The following NAALADL1 variants were observed in gnomAD, a reference collection of about 807,000 sequenced individuals.
NAALADL1 encodes aminopeptidase NAALADL1.
Under a neutral mutation model 82.8 loss-of-function variants are expected in NAALADL1, and 77 were observed. That is an observed-to-expected ratio of 0.93 (90% CI 0.77 to 1.12). The LOEUF is 1.12. Ranked by LOEUF, NAALADL1 falls within the 50% of genes most tolerant of loss-of-function variation. The pLI is 0.00. For missense variants in NAALADL1, 956 were observed against 964.0 expected, an observed-to-expected ratio of 0.99 and a Z score of 0.11; for synonymous variants, 358 against 399.2, an observed-to-expected ratio of 0.90 and a Z score of 1.23.
In NAALADL1 at chr11:65,053,387, A is replaced by C; in HGVS notation, c.1079-50T>G. On this transcript the variant is annotated intron_variant, in intron 7 of 17. Coordinates refer to ENST00000358658, the MANE Select transcript of NAALADL1 (RefSeq NM_005468.3). This position sits in a 1 kb window ranked among gnomAD's most constrained non-coding sequence, Gnocchi z 4.3. The stretch of plus-strand genomic sequence containing the variant: ...AACCAGAGGAGAGGGAGAGGTGGGC[A>C]GGGGGAGCTGGGCTGGGTGGTGGCA... The C allele has an allele frequency of 1.2e-6, 2 of 1,611,060 alleles. No individual in the cohort carries two copies. The highest frequency in any genetic ancestry group is 1.7e-6 in the Non-Finnish European group (2 of 1,178,746).
intron 4 of NAALADL1, 100 bp downstream of exon 4, chr11:65,057,271 C>T: frequency 6.7e-7 from 1 of 1,486,606 alleles, no homozygotes; most frequent in Non-Finnish European, 8.9e-7. Flanking sequence ...GTTCCCCACT[C>T]AACACTGCCT....
intron 8 of NAALADL1, among the ~76,000 whole-genome samples, chr11:65,049,872 A>G (rs1946839054): frequency 6.6e-6 from 1 of 152,004 alleles, no homozygotes; most frequent in Admixed American, 6.5e-5. Context: ...CCCTGTCTCA[A>G]AAAATATTTT....
At position 65,053,630 on chromosome 11, in the gene NAALADL1, C is replaced by T. The variant is rs1476514013; in HGVS notation, c.993-54G>A. The T allele has an allele frequency of 7.4e-6, 11 of 1,479,630 alleles. No homozygotes were observed. The highest frequency in any genetic ancestry group is 1.4e-5 in the African/African-American group (1 of 71,320). 91.7% of individuals were successfully genotyped at this position (1,479,630 alleles called of 1,614,324 possible). On this transcript the variant is annotated intron_variant, in intron 6 of 17. Transcript: ENST00000358658. The surrounding 1 kb of genome is among the most constrained non-coding windows in gnomAD (Gnocchi z 4.3). ...TCTTGGCCTTGCCCACTGCCCCCGACCCAGTGCAGGAGACACTGAGGCCCG... is the reference window on the plus strand; with the variant it reads ...TCTTGGCCTTGCCCACTGCCCCCGATCCAGTGCAGGAGACACTGAGGCCCG...
rs575412581 is a variant in NAALADL1 at position 65,053,644 on chromosome 11, C to T, written c.993-68G>A. ...ACTGCCCCCGACCCAGTGCAGGAGA[C>T]ACTGAGGCCCGGAGCTGGAAAGTGA... On this transcript the variant is annotated intron_variant, in intron 6 of 17. Coordinates refer to ENST00000358658, the MANE Select transcript of NAALADL1 (RefSeq NM_005468.3). This position sits in a 1 kb window ranked among gnomAD's most constrained non-coding sequence, Gnocchi z 4.3. 27 of 1,369,724 alleles carry T rather than the reference C, an allele frequency of 2.0e-5. No homozygotes were observed. The highest frequency in any genetic ancestry group is 2.7e-5 in the Non-Finnish European group (27 of 1,003,680). The allele number at this position is 1,369,724 out of a possible 1,614,324, so 84.8% of individuals were successfully genotyped here.
chr11:65,049,037 G>A (rs944041619), intron 8 of NAALADL1, among the ~76,000 whole-genome samples: 2 of 152,070 alleles, frequency 1.3e-5, no homozygotes, highest in African/African-American at 4.8e-5. Flanking sequence ...CATCCAGCCT[G>A]AGGGACTGAG....
At chr11:65,055,954 C>T (rs1043317387) in intron 4 of NAALADL1, among the ~76,000 whole-genome samples, 107 of 146,830 alleles carry the variant, frequency 7.3e-4, no homozygotes, top group African/African-American at 2.5e-3. Context: ...GGCATGATCT[C>T]GGCTCACTGC....
chr11:65,046,316 A>AATCACACT lies in NAALADL1; in HGVS notation c.1720_1727dup (p.Leu577ValfsTer2). On this transcript the variant is annotated stop_gained and frameshift_variant, in exon 15 of 18. Transcript: ENST00000358658. LOFTEE classifies it high-confidence loss of function. Reference sequence around the variant, plus strand: ...GGAAGAAGCTGTCACTGAGCCGGAGAATCACACTCCCCGCTGTCCGGGCCA... The same window carrying AATCACACT: ...GGAAGAAGCTGTCACTGAGCCGGAGAATCACACTATCACACTCCCCGCTGTCCGGGCCA... 1 of 1,614,198 alleles carries AATCACACT rather than the reference A, an allele frequency of 6.2e-7. No homozygotes were observed. Among genetic ancestry groups the AATCACACT allele is most frequent in the Non-Finnish European group, 8.5e-7 (1 of 1,180,040 alleles).
In NAALADL1 at chr11:65,048,297, C is replaced by T. The variant is rs2136983100; in HGVS notation, c.1284+3G>A. The T allele has an allele frequency of 6.2e-7, 1 of 1,614,206 alleles. No homozygotes were observed. Among genetic ancestry groups the T allele is most frequent in the East Asian group, 2.2e-5 (1 of 44,880 alleles). On this transcript the variant is annotated splice_donor_region_variant and intron_variant, in intron 9 of 17. Transcript: ENST00000358658. ...CGATCCCCTACCCTGTAGGGCCACT[C>T]ACTTCTGTGAATTCCGTGGAGCCAA...
At chr11:65,047,444 C>T (rs375119817) in intron 13 of NAALADL1, 31 bp downstream of exon 13, 439 of 1,540,674 alleles carry the variant, frequency 2.8e-4, no homozygotes, top group Middle Eastern at 3.4e-4. Context: ...CAGCAAGGTA[C>T]CGAGGCAGGG....
chr11:65,046,279 C>T lies in NAALADL1; in HGVS notation c.1765G>A (p.Val589Ile). Residue 589 changes from valine (V) to isoleucine (I), a missense_variant, in exon 15 of 18, where the codon GTC (valine) becomes ATC (isoleucine). Val to Ile is a conservative substitution (Grantham distance 29). Transcript: ENST00000358658. ...CGGAGTGTCTCACTGTAGTCACTGACTTTGAGGGGCAGGAAGAAGCTGTCA... is the reference window on the plus strand; with the variant it reads ...CGGAGTGTCTCACTGTAGTCACTGATTTTGAGGGGCAGGAAGAAGCTGTCA... ...LSDSFFLPLK[V>I]SDYSETLRSF... The T allele has an allele frequency of 6.2e-7, 1 of 1,614,196 alleles. No individual in the cohort carries two copies. Among genetic ancestry groups the T allele is most frequent in the Non-Finnish European group, 8.5e-7 (1 of 1,180,040 alleles).
At chr11:65,057,550 AG>A in intron 3 of NAALADL1, 57 bp from the exon 4 acceptor site, 1 of 1,568,768 alleles carries the variant, frequency 6.4e-7, no homozygotes, top group South Asian at 1.2e-5. Flanking sequence ...TGGGTGGGGA[AG>A]GGGGGTGGAA....
In NAALADL1 at chr11:65,053,300, C is replaced by G. The variant is rs1187182477; in HGVS notation, c.1116G>C (p.Trp372Cys). ...YVLYGNHRDS[W>C]VHGAVDPSSG... ...TGCTGGGGTCCACAGCCCCGTGCACCCAGCTGTCTCGGTGGTTCCCATACA... is the reference window on the plus strand; with the variant it reads ...TGCTGGGGTCCACAGCCCCGTGCACGCAGCTGTCTCGGTGGTTCCCATACA... The change falls in exon 8 of 18, where the codon TGG (tryptophan) becomes TGC (cysteine). Residue 372 changes from tryptophan (W) to cysteine (C), a missense_variant. Coordinates refer to ENST00000358658, the MANE Select transcript of NAALADL1 (RefSeq NM_005468.3). This position sits in a 1 kb window ranked among gnomAD's most constrained non-coding sequence, Gnocchi z 4.3. 4 of 1,561,284 alleles carry G rather than the reference C, an allele frequency of 2.6e-6. No individual in the cohort carries two copies. The South Asian group carries it at 4.7e-5, about 18-fold the overall frequency.
In NAALADL1 at chr11:65,058,077, C is replaced by T. The variant is rs764332871; in HGVS notation, c.358+1G>A. On this transcript the variant is annotated splice_donor_variant, in intron 2 of 17. Transcript: ENST00000358658. LOFTEE classifies it high-confidence loss of function. The stretch of plus-strand genomic sequence containing the variant: ...ATTCCCAAGACTGGGCAGGACCTCA[C>T]CGATGTCCACGACGTTGGGCTGCTC... 3.1e-6 allele frequency: 5 copies of T among 1,610,538 alleles called. No individual in the cohort carries two copies. Among genetic ancestry groups the T allele is most frequent in the Non-Finnish European group, 3.4e-6 (4 of 1,177,460 alleles).
intron 17 of NAALADL1, 157 bp from the exon 18 acceptor site, chr11:65,045,614 G>A (rs981132611): frequency 1.8e-5 from 17 of 924,806 alleles, no homozygotes; most frequent in Middle Eastern, 3.4e-4. Context: ...CAGCAGTGGC[G>A]GTCGGGGGAG....
rs754957972 is a variant in NAALADL1, at chr11:65,054,575, G to A, written c.767C>T (p.Pro256Leu). 2 of 1,613,694 alleles carry A rather than the reference G, an allele frequency of 1.2e-6. No homozygotes were observed. Among genetic ancestry groups the A allele is most frequent in the Non-Finnish European group, 1.7e-6 (2 of 1,179,814 alleles). The change falls in exon 5 of 18, where the codon CCT becomes CTT. Residue 256 changes from proline to leucine, a missense_variant. Pro to Leu is a moderately conservative substitution (Grantham distance 98). Transcript: ENST00000358658. This position sits in a 1 kb window ranked among gnomAD's most constrained non-coding sequence, Gnocchi z 4.3. ...RGSYYEYFGD[P>L]LTPYLPAVPS... ...GACGGCTGGAAGGTAGGGAGTCAGA[G>A]GGTCCCCAAAATACTCGTAGTAGGA...
At chr11:65,049,879 T>C (rs1946839136) in intron 8 of NAALADL1, among the ~76,000 whole-genome samples, 1 of 151,502 alleles carries the variant, frequency 6.6e-6, no homozygotes, top group Admixed American at 6.6e-5. Flanking sequence ...TCAAAAAATA[T>C]TTTTTTCTTT....
upstream of NAALADL1, among the ~76,000 whole-genome samples, chr11:65,059,883 G>A (rs147683439): frequency 6.6e-6 from 1 of 152,214 alleles, no homozygotes; most frequent in African/African-American, 2.4e-5. Flanking sequence ...AGGCTGAAAA[G>A]GTGTTCCAGC....
chr11:65,045,355 C>G lies in NAALADL1; in HGVS notation c.2139G>C (p.Trp713Cys). 1 of 1,610,552 alleles carries G rather than the reference C, an allele frequency of 6.2e-7. No individual in the cohort carries two copies. Among genetic ancestry groups the G allele is most frequent in the Non-Finnish European group, 8.5e-7 (1 of 1,178,710 alleles). Residue 713 changes from tryptophan to cysteine, a missense_variant, in exon 18 of 18, where the codon TGG (tryptophan) becomes TGC (cysteine). By Grantham distance (215) the Trp-to-Cys change is radical. Coordinates refer to ENST00000358658, the MANE Select transcript of NAALADL1 (RefSeq NM_005468.3). ...ARDTASGSEA[W>C]AEVQRQLSIV... ...TGCTGAGCTGTCTCTGGACCTCAGC[C>G]CAAGCTTCAGATCCAGAAGCTGTGT...
upstream of NAALADL1, among the ~76,000 whole-genome samples, chr11:65,060,578 G>A (rs1301518110): frequency 4.6e-5 from 7 of 152,076 alleles, no homozygotes; most frequent in Admixed American, 2.0e-4. Flanking sequence ...CAAACAGGAC[G>A]CCTGGACAAA....
Sources: allele counts gnomAD v4.1 joint callset (sites outside exome capture counted in the v4.1 genomes callset), GRCh38; gene constraint gnomAD v4.1.1; non-coding constraint Gnocchi (gnomAD v3.1); transcripts MANE v1.5; gene names NCBI Gene and HGNC (gene_info 2026-07-23, HGNC 2026-07-21).